LCLAT1: variants seen among roughly 807,000 people sequenced by gnomAD.
The protein encoded by LCLAT1 is lysocardiolipin acyltransferase 1.
A neutral mutation model predicts 30.7 loss-of-function variants in LCLAT1; 11 were observed. That is an observed-to-expected ratio of 0.36 (90% CI 0.23 to 0.59). The LOEUF is 0.59. Ranked by LOEUF, LCLAT1 falls within the 20% of genes least tolerant of loss-of-function variation. The pLI is 0.77. For missense variants in LCLAT1, 402 were observed against 458.6 expected (o/e 0.88, Z 1.13); for synonymous variants, 155 against 151.3 (o/e 1.02, Z -0.18).
intron 5 of LCLAT1, among the ~76,000 whole-genome samples, chr2:30,632,959 T>G (rs1028227344): frequency 1.1e-4 from 17 of 152,224 alleles, no homozygotes; most frequent in African/African-American, 4.1e-4. Context: ...TACCAGTTGG[T>G]TTTAAGTGCT....
chr2:30,557,527 G>C (rs895708824), intron 3 of LCLAT1, among the ~76,000 whole-genome samples: 5 of 151,998 alleles, frequency 3.3e-5, no homozygotes, highest in African/African-American at 1.2e-4. Context: ...TGATTCTCCT[G>C]CCTCAGCCTC....
At chr2:30,525,507 T>A in intron 1 of LCLAT1, 80 bp from the exon 2 acceptor site, 1 of 1,099,346 alleles carries the variant, frequency 9.1e-7, no homozygotes, top group Non-Finnish European at 1.4e-6. Flanking sequence ...TAGTGATCAT[T>A]CTATGCTCCA....
intron 5 of LCLAT1, among the ~76,000 whole-genome samples, chr2:30,623,912 G>C (rs1157788572): frequency 1.3e-5 from 2 of 152,174 alleles, no homozygotes; most frequent in African/African-American, 4.8e-5. Context: ...ATTAACAGCA[G>C]ATTTCTCACC....
chr2:30,525,893 A>G (rs1484576313), intron 2 of LCLAT1, 138 bp downstream of exon 2: 1 of 674,920 alleles, frequency 1.5e-6, no homozygotes, highest in African/African-American at 1.8e-5. Flanking sequence ...TGCTTTAAAT[A>G]ATCTCTAGAT....
Position 30,641,517 on chromosome 2 carries a change from C to T in LCLAT1, c.*898C>T, listed in dbSNP as rs535530870. 6.6e-5 allele frequency: 10 copies of T among 152,174 alleles called. No homozygotes were observed. Among genetic ancestry groups the T allele is most frequent in the Non-Finnish European group, 8.8e-5 (6 of 67,974 alleles). The allele number at this position is 152,174 out of a possible 1,614,324, so 9.4% of individuals were successfully genotyped here. On this transcript the variant is annotated 3_prime_UTR_variant, in exon 6 of 6. Transcript: ENST00000379509. ...TTTTGAAATATTTCTTTACAACCTA[C>T]CAAAAAAGGAAGGTTGTTTTTTCTA... is the stretch of plus-strand genomic sequence containing the variant.
intron 5 of LCLAT1, among the ~76,000 whole-genome samples, chr2:30,577,392 T>G (rs970686077): frequency 2.6e-5 from 4 of 152,082 alleles, no homozygotes. Context: ...AGTATTGCAT[T>G]CGGCCACATG....
rs974475952 is a variant in LCLAT1 at position 30,533,292 on chromosome 2, T to C, written c.342T>C (p.Ser114=). The stretch of plus-strand genomic sequence containing the variant: ...TGGAGAAAATTTGCCTCAAAGCGAG[T>C]CTCAAAGGTGTTCCTGGATTTGGTA... ...LRLEKICLKA[S]LKGVPGFGWA... The change falls in exon 3 of 6, where the codon AGT becomes AGC. Residue 114 remains serine (S), a synonymous_variant. Transcript: ENST00000379509. 31 of 1,613,846 alleles carry C rather than the reference T, an allele frequency of 1.9e-5. No homozygotes were observed. The highest frequency in any genetic ancestry group is 2.6e-5 in the Non-Finnish European group (31 of 1,179,916).
At chr2:30,524,750 T>TTAA (rs10674505) in intron 1 of LCLAT1, among the ~76,000 whole-genome samples, 107,566 of 151,708 alleles carry the variant, frequency 0.71, 39,940 homozygotes, top group East Asian at 0.87. Context: ...TTTATTTTAC[T>TTAA]TAATACTTTA....
At chr2:30,626,362 T>G (rs1668508908) in intron 5 of LCLAT1, among the ~76,000 whole-genome samples, 1 of 152,162 alleles carries the variant, frequency 6.6e-6, no homozygotes, top group African/African-American at 2.4e-5. Context: ...GTCTGAAAAA[T>G]GATAATGAAA....
chr2:30,559,106 A>G (rs1440549085), intron 3 of LCLAT1, among the ~76,000 whole-genome samples: 2 of 152,202 alleles, frequency 1.3e-5, no homozygotes, highest in East Asian at 3.8e-4. Flanking sequence ...AGCAAAATAC[A>G]TAAGAATATA....
intron 5 of LCLAT1, among the ~76,000 whole-genome samples, chr2:30,632,563 G>A (rs1668817796): frequency 6.6e-6 from 1 of 152,178 alleles, no homozygotes; most frequent in South Asian, 2.1e-4. Context: ...GAGAAAGAAG[G>A]AAGGTAAAGG....
chr2:30,586,908 A>G (rs1439001880), intron 5 of LCLAT1, among the ~76,000 whole-genome samples: 2 of 152,074 alleles, frequency 1.3e-5, no homozygotes, highest in African/African-American at 4.8e-5. Flanking sequence ...CCCCTACTCC[A>G]AGCTTCTACA....
At chr2:30,560,432 A>G (rs530444770) in intron 3 of LCLAT1, among the ~76,000 whole-genome samples, 1 of 152,134 alleles carries the variant, frequency 6.6e-6, no homozygotes, top group Admixed American at 6.5e-5. Context: ...TCTGCCTCCC[A>G]GGTTCAAGCA....
chr2:30,560,626 C>T (rs965753178), intron 3 of LCLAT1, among the ~76,000 whole-genome samples: 1 of 152,068 alleles, frequency 6.6e-6, no homozygotes, highest in African/African-American at 2.4e-5. Flanking sequence ...CATGAGCCAC[C>T]ATGCCTGGCT....
intron 1 of LCLAT1, among the ~76,000 whole-genome samples, chr2:30,448,466 C>G (rs1327333899): frequency 6.6e-6 from 1 of 152,124 alleles, no homozygotes; most frequent in African/African-American, 2.4e-5. Flanking sequence ...TGTTAACTGA[C>G]TTTTGTTTTT....
intron 1 of LCLAT1, chr2:30,476,469 C>G (rs1572497347): frequency 2.2e-6 from 1 of 456,682 alleles, no homozygotes. Context: ...GCATTCGATT[C>G]TTACAGGAAC....
chr2:30,478,386 C>T (rs114261774), intron 1 of LCLAT1, among the ~76,000 whole-genome samples: 170 of 152,270 alleles, frequency 1.1e-3, no homozygotes, highest in Non-Finnish European at 2.1e-3. Context: ...GCTACCTGCT[C>T]ATAAGTTGGG....
At chr2:30,487,304 T>C (rs899183556) in intron 1 of LCLAT1, among the ~76,000 whole-genome samples, 20 of 152,234 alleles carry the variant, frequency 1.3e-4, no homozygotes, top group African/African-American at 4.6e-4. Context: ...TTAGTTAACT[T>C]CATTTATTTT....
At chr2:30,531,445 C>G (rs1273851783) in intron 2 of LCLAT1, among the ~76,000 whole-genome samples, 1 of 152,084 alleles carries the variant, frequency 6.6e-6, no homozygotes, top group Non-Finnish European at 1.5e-5. Context: ...ATGAAAACTG[C>G]AAGCATTTTA....
Sources: gnomAD v4.1 joint callset for allele counts (sites outside exome capture counted in the v4.1 genomes callset) on GRCh38, gnomAD v4.1.1 for gene constraint, MANE v1.5 for transcripts, NCBI Gene and HGNC (gene_info 2026-07-23, HGNC 2026-07-21) for gene names.